Variants in CLMP observed in about 807,000 individuals in gnomAD.
CLMP encodes the protein CXADR-like membrane protein.
Under a neutral mutation model 45.2 loss-of-function variants are expected in CLMP, and 27 were observed. The ratio of observed to expected loss-of-function variants is 0.60; its 90% confidence interval spans 0.44 to 0.82. The LOEUF (loss-of-function observed/expected upper bound fraction) is 0.82. CLMP is among the 40% of genes least tolerant of loss of function. CLMP has a pLI of 0.00. For synonymous variants in CLMP, 167 were observed against 171.4 expected (o/e 0.97, Z 0.20); for missense variants, 403 against 448.4 (o/e 0.90, Z 0.91).
At chr11:123,185,341 G>A (rs1861819608) in intron 1 of CLMP, among the ~76,000 whole-genome samples, 1 of 152,162 alleles carries the variant, frequency 6.6e-6, no homozygotes, top group African/African-American at 2.4e-5. Flanking sequence ...CTGTCTGTCT[G>A]TCTTGTTAAG....
chr11:123,083,128 G>C lies in CLMP; in HGVS notation c.636C>G (p.Asn212Lys), dbSNP rs185664299. The change falls in exon 5 of 7, where the codon AAC (asparagine) becomes AAG (lysine). Residue 212 changes from asparagine to lysine, a missense_variant. Coordinates refer to ENST00000448775, the MANE Select transcript of CLMP (RefSeq NM_024769.5). ...CCACACAGCTTTCCTTCCCAGCTTC[G>C]TTGCCTGCTGTGCACTGGTACAGTC... Reference protein sequence around the residue: ...YSGLYQCTAGNEAGKESCVVR... With the variant: ...YSGLYQCTAGKEAGKESCVVR... The C allele has an allele frequency of 6.2e-7, 1 of 1,613,966 alleles. No homozygotes were observed. Among genetic ancestry groups the C allele is most frequent in the Admixed American group, 1.7e-5 (1 of 59,976 alleles).
chr11:123,193,877 A>G (rs1285258969), intron 1 of CLMP, among the ~76,000 whole-genome samples: 4 of 152,158 alleles, frequency 2.6e-5, no homozygotes, highest in Non-Finnish European at 5.9e-5. Context: ...AACCAGGACC[A>G]GCTCTCCCGT....
chr11:123,088,844 G>A (rs577163202), intron 2 of CLMP, among the ~76,000 whole-genome samples: 10 of 152,158 alleles, frequency 6.6e-5, no homozygotes, highest in African/African-American at 1.4e-4. Context: ...GGCTGGTCTC[G>A]AACTCCTGAC....
intron 1 of CLMP, among the ~76,000 whole-genome samples, chr11:123,170,883 C>T (rs1861623885): frequency 6.6e-6 from 1 of 152,300 alleles, no homozygotes; most frequent in East Asian, 1.9e-4. Context: ...CATCACGGGG[C>T]GAGGACTCTG....
intron 1 of CLMP, among the ~76,000 whole-genome samples, chr11:123,153,708 G>T (rs1240608275): frequency 6.6e-6 from 1 of 151,730 alleles, no homozygotes; most frequent in East Asian, 1.9e-4. Context: ...TCTGAGATAG[G>T]GTCTCACTTT....
chr11:123,088,758 C>T (rs1284687966), intron 2 of CLMP, among the ~76,000 whole-genome samples: 7 of 151,984 alleles, frequency 4.6e-5, no homozygotes, highest in East Asian at 1.9e-4. Flanking sequence ...CTCAAGTAGC[C>T]GGGATTACAG....
chr11:123,143,900 C>T (rs1861200811), intron 1 of CLMP, among the ~76,000 whole-genome samples: 1 of 152,006 alleles, frequency 6.6e-6, no homozygotes, highest in Non-Finnish European at 1.5e-5. Flanking sequence ...CCCCTACCTC[C>T]CAGGTCCAAG....
rs749345364 is a variant in CLMP, at chr11:123,083,663, G to A, written c.556+17C>T. On this transcript the variant is annotated intron_variant, in intron 4 of 6. Transcript: ENST00000448775. The stretch of plus-strand genomic sequence containing the variant: ...ACTATTTTGTTGGCTCAATAGATTG[G>A]TAGGAAGATGACTTACCAATCCTAG... 2.5e-6 allele frequency: 4 copies of A among 1,613,424 alleles called. No homozygotes were observed. The highest frequency in any genetic ancestry group is 3.4e-6 in the Non-Finnish European group (4 of 1,179,450).
chr11:123,146,117 T>C (rs1861235739), intron 1 of CLMP, among the ~76,000 whole-genome samples: 1 of 152,226 alleles, frequency 6.6e-6, no homozygotes, highest in African/African-American at 2.4e-5. Context: ...GTAACTTGCA[T>C]CTAGGTAAGC....
intron 1 of CLMP, among the ~76,000 whole-genome samples, chr11:123,150,481 A>AAG (rs1565397448): frequency 4.5e-5 from 4 of 89,582 alleles, no homozygotes; most frequent in Non-Finnish European, 7.0e-5. Context: ...GAAAGAAAGA[A>AAG]AGGAAGGAAG....
intron 2 of CLMP, among the ~76,000 whole-genome samples, chr11:123,091,596 C>A (rs1231058332): frequency 2.0e-5 from 3 of 152,168 alleles, no homozygotes; most frequent in Non-Finnish European, 4.4e-5. Context: ...TAGGGAGAAG[C>A]CTATGCACGT....
intron 5 of CLMP, among the ~76,000 whole-genome samples, chr11:123,080,151 G>A (rs1395968505): frequency 2.0e-5 from 3 of 152,150 alleles, no homozygotes; most frequent in Non-Finnish European, 4.4e-5. Flanking sequence ...CATAAAGTGA[G>A]TGATCTAAGA....
At chr11:123,124,770 C>G (rs1331773058) in intron 1 of CLMP, among the ~76,000 whole-genome samples, 1 of 152,178 alleles carries the variant, frequency 6.6e-6, no homozygotes, top group African/African-American at 2.4e-5. Flanking sequence ...GGCAGTGAGA[C>G]AGAAACATAT....
chr11:123,097,743 C>A, intron 2 of CLMP, 52 bp downstream of exon 2: 1 of 1,405,862 alleles, frequency 7.1e-7, no homozygotes. Context: ...TGAAGAAAGG[C>A]AAATGCAGGA....
At chr11:123,157,254 T>G (rs1401434955) in intron 1 of CLMP, among the ~76,000 whole-genome samples, 1 of 152,074 alleles carries the variant, frequency 6.6e-6, no homozygotes, top group Non-Finnish European at 1.5e-5. Flanking sequence ...CTTTATATCA[T>G]GAATAAAGAA....
chr11:123,083,338 C>A, intron 4 of CLMP, 131 bp from the exon 5 acceptor site: 1 of 958,812 alleles, frequency 1.0e-6, no homozygotes, highest in Non-Finnish European at 1.5e-6. Context: ...GAAAAGATAT[C>A]CTTTGGGAAC....
At chr11:123,112,624 C>T (rs1288237155) in intron 1 of CLMP, among the ~76,000 whole-genome samples, 2 of 152,130 alleles carry the variant, frequency 1.3e-5, no homozygotes, top group African/African-American at 2.4e-5. Flanking sequence ...AGGCGTGAGC[C>T]GCTGTGCTCG....
chr11:123,193,099 G>A (rs61904437), intron 1 of CLMP: 10,124 of 152,302 alleles, frequency 0.066, 464 homozygotes, highest in South Asian at 0.13. Context: ...GAGGGTAAGC[G>A]CTTTGAGAAT....
intron 1 of CLMP, among the ~76,000 whole-genome samples, chr11:123,117,406 T>A (rs1054877016): frequency 2.0e-4 from 30 of 151,930 alleles, no homozygotes; most frequent in Non-Finnish European, 3.1e-4. Context: ...TTATCTTTTT[T>A]AAAAAATTTT....
Sources: gnomAD v4.1 joint callset for allele counts (sites outside exome capture counted in the v4.1 genomes callset) on GRCh38, gnomAD v4.1.1 for gene constraint, MANE v1.5 for transcripts, NCBI Gene and HGNC (gene_info 2026-07-23, HGNC 2026-07-21) for gene names.